Variants in CTNNA3 observed in about 807,000 individuals in gnomAD.
CTNNA3 encodes catenin alpha-3.
In CTNNA3, 76 loss-of-function variants were observed where a neutral mutation model predicts 95.7. The ratio of observed to expected loss-of-function variants is 0.79; its 90% CI spans 0.66 to 0.96. CTNNA3 has a LOEUF of 0.96. Ranked by LOEUF, CTNNA3 falls within the 40% of genes least tolerant of loss-of-function variation. The pLI, the probability that CTNNA3 is intolerant of heterozygous loss-of-function variation, is 0.00. For synonymous variants in CTNNA3, 431 were observed against 374.4 expected (o/e 1.15, Z -1.74); for missense variants, 1,191 against 1,089.8 (o/e 1.09, Z -1.31).
At chr10:66,628,253 A>G (rs564304573) in intron 9 of CTNNA3, among the ~76,000 whole-genome samples, 2 of 152,146 alleles carry the variant, frequency 1.3e-5, no homozygotes, top group South Asian at 2.1e-4. Context: ...AAATTAACAC[A>G]TTTGGTGAAT....
intron 5 of CTNNA3, among the ~76,000 whole-genome samples, chr10:67,315,480 TA>T (rs879934439): frequency 1.3e-5 from 2 of 152,148 alleles, no homozygotes; most frequent in African/African-American, 2.4e-5. Context: ...AACTATAAAC[TA>T]AACTGATAGG....
At chr10:67,513,329 A>G (rs1839701207) in intron 5 of CTNNA3, among the ~76,000 whole-genome samples, 1 of 152,222 alleles carries the variant, frequency 6.6e-6, no homozygotes, top group Non-Finnish European at 1.5e-5. Flanking sequence ...AGTGGACTTC[A>G]CTGAAAAGTC....
intron 6 of CTNNA3, among the ~76,000 whole-genome samples, chr10:67,201,816 G>A (rs560699253): frequency 1.2e-4 from 18 of 152,124 alleles, no homozygotes; most frequent in Admixed American, 1.3e-4. Context: ...GATCAGCTAC[G>A]TGATTTGGAA....
chr10:66,237,449 C>T (rs72797275), intron 13 of CTNNA3, among the ~76,000 whole-genome samples: 16,056 of 151,518 alleles, frequency 0.11, 972 homozygotes, highest in Middle Eastern at 0.18. Flanking sequence ...CTCCTTGGCC[C>T]GAAATGCTGA....
At chr10:66,358,822 G>A (rs1366468439) in intron 12 of CTNNA3, among the ~76,000 whole-genome samples, 3 of 152,084 alleles carry the variant, frequency 2.0e-5, no homozygotes, top group Admixed American at 2.0e-4. Flanking sequence ...TTTAAATAAT[G>A]TTTAGATTCC....
At chr10:66,857,810 A>T (rs1375396604) in intron 7 of CTNNA3, among the ~76,000 whole-genome samples, 3 of 152,018 alleles carry the variant, frequency 2.0e-5, no homozygotes, top group African/African-American at 7.2e-5. Flanking sequence ...CTGGGAAGAC[A>T]CTGTGGGATT....
intron 7 of CTNNA3, among the ~76,000 whole-genome samples, chr10:67,114,028 A>C (rs747778372): frequency 2.0e-5 from 3 of 151,810 alleles, no homozygotes; most frequent in Non-Finnish European, 2.9e-5. Flanking sequence ...GGCTTCAGTG[A>C]GCTATGATCA....
rs1028084836 is a variant in CTNNA3 at position 67,066,278 on chromosome 10, C to T, written c.1047+114039G>A. ...CACCATCTCAGCTCACTGCAACCTC[C>T]GCCTCCCGGGTTCAAGAGATTCTCC... On this transcript the variant is annotated intron_variant, in intron 7 of 17. Transcript: ENST00000433211. Among the ~76,000 whole-genome samples, 20 of 150,898 alleles carry T rather than the reference C, an allele frequency of 1.3e-4. No homozygotes were observed. The East Asian group carries it at 2.0e-3, about 15-fold the overall frequency.
chr10:67,155,251 G>A (rs80035993), intron 7 of CTNNA3, among the ~76,000 whole-genome samples: 10,995 of 152,188 alleles, frequency 0.072, 525 homozygotes, highest in African/African-American at 0.14. Flanking sequence ...TGGATACTAA[G>A]GAAGAGAGGT....
Position 66,364,116 on chromosome 10 carries a change from C to T in CTNNA3, c.1732+15036G>A, listed in dbSNP as rs370424506. On this transcript the variant is annotated intron_variant, in intron 12 of 17. Transcript: ENST00000433211. ...ACCACAATAAACTAAATTGCTTAGT[C>T]TTTATGTACTTCTCTTTCTTTTGAC... Among the ~76,000 whole-genome samples the T allele has an allele frequency of 4.6e-4, 69 of 151,636 alleles. 1 individual carries two copies. The South Asian group carries it at 0.014, about 31-fold the overall frequency.
At chr10:67,228,254 A>G (rs1197449726) in intron 5 of CTNNA3, among the ~76,000 whole-genome samples, 1 of 152,188 alleles carries the variant, frequency 6.6e-6, no homozygotes, top group Admixed American at 6.5e-5. Flanking sequence ...TTTTGAAAAG[A>G]TAAATAAAAT....
chr10:66,563,688 C>T (rs1842621251), intron 10 of CTNNA3, among the ~76,000 whole-genome samples: 1 of 151,936 alleles, frequency 6.6e-6, no homozygotes, highest in Admixed American at 6.6e-5. Flanking sequence ...ACAATTTGCC[C>T]ACAAGGAAAT....
chr10:66,008,211 A>G (rs1227185238), intron 15 of CTNNA3, among the ~76,000 whole-genome samples: 1 of 152,218 alleles, frequency 6.6e-6, no homozygotes, highest in African/African-American at 2.4e-5. Context: ...AAAGAATAGA[A>G]AATGAGAAAC....
chr10:66,146,792 A>G (rs530899101), intron 13 of CTNNA3, among the ~76,000 whole-genome samples: 150 of 152,222 alleles, frequency 9.9e-4, no homozygotes, highest in Non-Finnish European at 1.1e-3. Flanking sequence ...CCTGAGCTCA[A>G]GCAATTCACG....
At chr10:66,221,876 A>G (rs1330155345) in intron 13 of CTNNA3, among the ~76,000 whole-genome samples, 2 of 152,198 alleles carry the variant, frequency 1.3e-5, no homozygotes, top group African/African-American at 4.8e-5. Context: ...AAGACCTTGT[A>G]TTTAGAATCA....
chr10:65,965,081 GAC>G (rs1213003743), intron 17 of CTNNA3, among the ~76,000 whole-genome samples: 1 of 152,116 alleles, frequency 6.6e-6, no homozygotes, highest in East Asian at 1.9e-4. Flanking sequence ...GAATATCAAA[GAC>G]ACTATTTTTC....
intron 5 of CTNNA3, among the ~76,000 whole-genome samples, chr10:67,464,159 T>C (rs1328376007): frequency 6.6e-6 from 1 of 152,170 alleles, no homozygotes; most frequent in African/African-American, 2.4e-5. Flanking sequence ...TCCCATGTTA[T>C]ATTCCTCTTC....
chr10:66,156,740 G>A (rs780584818), intron 13 of CTNNA3, among the ~76,000 whole-genome samples: 9 of 151,950 alleles, frequency 5.9e-5, no homozygotes, highest in Non-Finnish European at 1.0e-4. Flanking sequence ...TATCCAAAGT[G>A]TGGTTAATGA....
At chr10:67,300,865 A>G (rs1011811319) in intron 5 of CTNNA3, among the ~76,000 whole-genome samples, 2 of 152,212 alleles carry the variant, frequency 1.3e-5, no homozygotes, top group Admixed American at 1.3e-4. Flanking sequence ...TGTTGAGTCA[A>G]TAAGAGGTGG....
Sources: allele counts gnomAD v4.1 joint callset (sites outside exome capture counted in the v4.1 genomes callset), GRCh38; gene constraint gnomAD v4.1.1; transcripts MANE v1.5; gene names NCBI Gene and HGNC (gene_info 2026-07-23, HGNC 2026-07-21).